SMG6: variants seen among roughly 807,000 people sequenced by gnomAD.
SMG6 encodes the protein SMG6 nonsense mediated mRNA decay factor, also known as telomerase-binding protein EST1A.
A neutral mutation model predicts 142.2 loss-of-function variants in SMG6; 66 were observed. That is an observed-to-expected ratio of 0.46 (90% confidence interval 0.38 to 0.57). The LOEUF (loss-of-function observed/expected upper bound fraction) is 0.57, where lower values mean the gene tolerates loss of function less well. Among genes scored for constraint, SMG6 ranks in the 20% least tolerant of loss-of-function variants. The pLI is 0.00. For missense variants in SMG6, 1,793 were observed against 1,832.0 expected, an observed-to-expected ratio of 0.98 and a Z score of 0.39; for synonymous variants, 779 against 702.4, an observed-to-expected ratio of 1.11 and a Z score of -1.72.
intron 10 of SMG6, 131 bp downstream of exon 10, chr17:2,236,361 G>A (rs953252327): frequency 3.9e-6 from 3 of 767,728 alleles, no homozygotes; most frequent in Non-Finnish European, 6.1e-6. Context: ...GGTAGGAAGC[G>A]TAGGGTAGGG....
intron 8 of SMG6, among the ~76,000 whole-genome samples, chr17:2,269,406 G>A (rs1277086546): frequency 6.9e-6 from 1 of 145,940 alleles, no homozygotes; most frequent in African/African-American, 2.6e-5. Flanking sequence ...AAAAAAGAAA[G>A]AAAAGAAAAT....
chr17:2,250,758 T>C (rs1300110134), intron 8 of SMG6, among the ~76,000 whole-genome samples: 3 of 152,142 alleles, frequency 2.0e-5, no homozygotes, highest in Non-Finnish European at 4.4e-5. Flanking sequence ...TGAGACAACA[T>C]AGGTGGAGAC....
intron 15 of SMG6, among the ~76,000 whole-genome samples, chr17:2,080,922 A>T (rs2068404588): frequency 6.6e-6 from 1 of 152,180 alleles, no homozygotes; most frequent in Non-Finnish European, 1.5e-5. Flanking sequence ...GGCGTGAGCC[A>T]CCGCGCCCGG....
At chr17:2,160,488 G>A (rs1036975720) in intron 13 of SMG6, among the ~76,000 whole-genome samples, 7 of 152,114 alleles carry the variant, frequency 4.6e-5, no homozygotes, top group Non-Finnish European at 8.8e-5. Context: ...CAAAGTGCTG[G>A]GATTACAGGC....
At chr17:2,244,212 T>A (rs1352532256) in intron 9 of SMG6, among the ~76,000 whole-genome samples, 2 of 152,132 alleles carry the variant, frequency 1.3e-5, no homozygotes, top group African/African-American at 2.4e-5. Flanking sequence ...GAGGAAAGGA[T>A]ATGGGTCAAA....
rs1340205942 is a variant in SMG6, at chr17:2,173,115, T to C, written c.3156-256A>G. ...ATCCTCACCAGAGAGGAAAAAGAAT[T>C]TGGAGACTCAGTTGCCTAATGCAGG... is the stretch of plus-strand genomic sequence containing the variant. On this transcript the variant is annotated intron_variant, in intron 12 of 18. Transcript: ENST00000263073. The C allele has an allele frequency of 6.1e-6, 3 of 491,928 alleles. No individual in the cohort carries two copies. The East Asian group carries it at 1.1e-4, about 18-fold the overall frequency. The allele number at this position is 491,928 out of a possible 1,614,324, so 30.5% of individuals were successfully genotyped here.
At chr17:2,106,606 T>C (rs904758081) in intron 13 of SMG6, among the ~76,000 whole-genome samples, 2 of 152,008 alleles carry the variant, frequency 1.3e-5, no homozygotes, top group Non-Finnish European at 2.9e-5. Context: ...GGCTGTCCTG[T>C]CACAAGGGCA....
At chr17:2,194,707 C>CAAAA (rs11415492) in intron 10 of SMG6, among the ~76,000 whole-genome samples, 1 of 139,966 alleles carries the variant, frequency 7.1e-6, no homozygotes, top group Admixed American at 7.1e-5. Context: ...GAAAACAAAA[C>CAAAA]AAAACAAAAA....
At chr17:2,137,809 A>G (rs974517347) in intron 13 of SMG6, among the ~76,000 whole-genome samples, 9 of 152,198 alleles carry the variant, frequency 5.9e-5, no homozygotes, top group African/African-American at 2.2e-4. Context: ...TGGCTTAGAT[A>G]TTCATGGACC....
At chr17:2,096,144 C>T (rs1426539728) in intron 13 of SMG6, among the ~76,000 whole-genome samples, 1 of 152,128 alleles carries the variant, frequency 6.6e-6, no homozygotes, top group African/African-American at 2.4e-5. Flanking sequence ...TGGGCTCAAG[C>T]AATCCTCCCA....
intron 6 of SMG6, among the ~76,000 whole-genome samples, chr17:2,289,506 A>G (rs1332172902): frequency 6.6e-6 from 1 of 151,918 alleles, no homozygotes; most frequent in African/African-American, 2.4e-5. Context: ...GCAGTGAGCT[A>G]TGATTGTGTC....
chr17:2,171,830 A>G (rs1341538406), intron 13 of SMG6, among the ~76,000 whole-genome samples: 1 of 151,698 alleles, frequency 6.6e-6, no homozygotes, highest in Non-Finnish European at 1.5e-5. Flanking sequence ...GAGCCTCCCC[A>G]AAGGCCTGTC....
At chr17:2,144,152 G>A (rs917462965) in intron 13 of SMG6, among the ~76,000 whole-genome samples, 3 of 147,352 alleles carry the variant, frequency 2.0e-5, no homozygotes, top group African/African-American at 7.5e-5. Flanking sequence ...TCCGCCTCCC[G>A]GGTTCAAGTG....
intron 10 of SMG6, among the ~76,000 whole-genome samples, chr17:2,231,663 C>T (rs2073498383): frequency 6.6e-6 from 1 of 152,122 alleles, no homozygotes; most frequent in Admixed American, 6.6e-5. Context: ...CACCACTGCA[C>T]TCCAGCCTGG....
chr17:2,061,103 A>T lies in SMG6; in HGVS notation c.*389T>A, dbSNP rs903157. 139,668 of 178,852 alleles carry T rather than the reference A, an allele frequency of 0.78. 54,818 individuals are homozygous for T. The highest frequency in any genetic ancestry group is 0.93 in the East Asian group (6,131 of 6,560). The allele number at this position is 178,852 out of a possible 1,614,324, so 11.1% of individuals were successfully genotyped here. On this transcript the variant is annotated 3_prime_UTR_variant, in exon 19 of 19. Coordinates refer to ENST00000263073, the MANE Select transcript of SMG6 (RefSeq NM_017575.5). ...ATTTCACTGCATCTGACGGAAACTC[A>T]GAACCCCTGCCCTGTCTCCACTGGA...
At position 2,300,633 on chromosome 17, in the gene SMG6, C is replaced by T. The variant is rs377566082; in HGVS notation, c.120G>A (p.Pro40=). The T allele has an allele frequency of 2.3e-5, 37 of 1,600,946 alleles. No homozygotes were observed. The highest frequency in any genetic ancestry group is 1.2e-4 in the Admixed American group (7 of 56,388). Reference sequence around the variant, plus strand: ...GATCTGGACGCCTGTTATCTTTGCGCGGCCTGGCCTCCTTTAATTCCTTCA... The same window carrying T: ...GATCTGGACGCCTGTTATCTTTGCGTGGCCTGGCCTCCTTTAATTCCTTCA... ...ENMKELKEAR[P]RKDNRRPDLE... is the part of the protein sequence containing the mutation. The change falls in exon 2 of 19, where the codon CCG becomes CCA. Residue 40 remains proline (P), a synonymous_variant. Transcript: ENST00000263073.
chr17:2,301,638 C>G (rs1425903367), intron 1 of SMG6, among the ~76,000 whole-genome samples: 4 of 151,046 alleles, frequency 2.6e-5, no homozygotes, highest in Non-Finnish European at 5.9e-5. Flanking sequence ...GTCAGGAGAT[C>G]GAGACCATCC....
Position 2,299,864 on chromosome 17 carries a change from A to C in SMG6, c.889T>G (p.Ser297Ala). The C allele has an allele frequency of 6.2e-7, 1 of 1,614,116 alleles. No individual in the cohort carries two copies. Among genetic ancestry groups the C allele is most frequent in the Non-Finnish European group, 8.5e-7 (1 of 1,179,976 alleles). Residue 297 changes from serine (S) to alanine (A), a missense_variant, in exon 2 of 19, where the codon TCT becomes GCT. Physicochemically the swap from Ser to Ala is moderately conservative, Grantham distance 99. Coordinates refer to ENST00000263073, the MANE Select transcript of SMG6 (RefSeq NM_017575.5). This position sits in a 1 kb window ranked among gnomAD's most constrained non-coding sequence, Gnocchi z 4.3. ...KERPRLKKQVSVSSTDSLDED... is the reference protein window; with the variant it reads ...KERPRLKKQVAVSSTDSLDED... The stretch of plus-strand genomic sequence containing the variant: ...TCTAAGGAATCGGTTGAGGACACAG[A>C]CACTTGCTTCTTCAGTCGTGGCCTC...
At chr17:2,134,452 A>G (rs2070227987) in intron 13 of SMG6, among the ~76,000 whole-genome samples, 1 of 146,102 alleles carries the variant, frequency 6.8e-6, no homozygotes, top group Non-Finnish European at 1.5e-5. Context: ...AAAAAAAGAT[A>G]ATGCCTCCTA....
Sources: gnomAD v4.1 joint callset for allele counts (sites outside exome capture counted in the v4.1 genomes callset) on GRCh38, gnomAD v4.1.1 for gene constraint, Gnocchi (gnomAD v3.1) non-coding constraint, MANE v1.5 for transcripts, NCBI Gene and HGNC (gene_info 2026-07-23, HGNC 2026-07-21) for gene names.